The following GRIK1 variants were observed in gnomAD, a reference collection of about 807,000 sequenced individuals.
GRIK1 encodes the protein glutamate ionotropic receptor kainate type subunit 1.
GRIK1 carries 69 observed loss-of-function variants against 105.7 expected under a neutral mutation model. The observed-to-expected ratio is 0.65, with a 90% CI of 0.54 to 0.80. The LOEUF is 0.80. GRIK1 is among the 30% of genes least tolerant of loss of function. The pLI, the probability that GRIK1 is intolerant of heterozygous loss-of-function variation, is 0.00. For missense variants in GRIK1, 1,109 were observed against 1,167.3 expected, an observed-to-expected ratio of 0.95 and a Z score of 0.73; for synonymous variants, 438 against 431.3, an observed-to-expected ratio of 1.02 and a Z score of -0.19.
At chr21:29,620,867 A>G (rs1568897953) in intron 7 of GRIK1, among the ~76,000 whole-genome samples, 2 of 146,822 alleles carry the variant, frequency 1.4e-5, no homozygotes, top group East Asian at 1.9e-4. Flanking sequence ...GTAGTTATAT[A>G]TATTATTTCC....
chr21:29,600,256 G>C (rs1234114524), intron 7 of GRIK1, among the ~76,000 whole-genome samples: 1 of 152,138 alleles, frequency 6.6e-6, no homozygotes, highest in African/African-American at 2.4e-5. Flanking sequence ...AGGTTCCAGG[G>C]ATGAGGACAT....
chr21:29,840,381 A>AT lies in GRIK1; in HGVS notation c.118+99001dup, dbSNP rs1203627584. 2.0e-5 allele frequency among the ~76,000 whole-genome samples: 3 copies of AT among 152,202 alleles called. No homozygotes were observed. In the East Asian group the frequency reaches 5.8e-4, roughly 29 times the overall value. ...TGCCATTTCATATTTCTAGCAATGCATCAGAAGGGACAATTTAAGTTTCAT... is the reference window on the plus strand; with the variant it reads ...TGCCATTTCATATTTCTAGCAATGCATTCAGAAGGGACAATTTAAGTTTCAT... On this transcript the variant is annotated intron_variant, in intron 1 of 17. Transcript: ENST00000327783.
intron 1 of GRIK1, among the ~76,000 whole-genome samples, chr21:29,905,617 G>GTT (rs2070588752): frequency 9.6e-6 from 1 of 103,750 alleles, no homozygotes; most frequent in South Asian, 3.3e-4. Context: ...AGCAAATTTT[G>GTT]TATTTTTTTT....
intron 14 of GRIK1, among the ~76,000 whole-genome samples, chr21:29,571,861 C>T (rs8130128): frequency 6.6e-6 from 1 of 152,272 alleles, no homozygotes; most frequent in East Asian, 1.9e-4. Context: ...GATGAGAAAA[C>T]GTTTCTCATT....
intron 7 of GRIK1, among the ~76,000 whole-genome samples, chr21:29,608,955 T>C (rs969289227): frequency 3.9e-5 from 6 of 152,036 alleles, no homozygotes; most frequent in African/African-American, 1.4e-4. Flanking sequence ...CCACTAGTTA[T>C]AAGACAAGTA....
intron 1 of GRIK1, among the ~76,000 whole-genome samples, chr21:29,706,928 G>A (rs1347313228): frequency 6.6e-6 from 1 of 152,056 alleles, no homozygotes; most frequent in East Asian, 1.9e-4. Flanking sequence ...GCAGTGGTGA[G>A]ATCTCAGCTC....
intron 15 of GRIK1, among the ~76,000 whole-genome samples, chr21:29,557,992 A>G (rs1789074905): frequency 6.6e-6 from 1 of 152,200 alleles, no homozygotes; most frequent in Admixed American, 6.5e-5. Context: ...CAGACAGATG[A>G]AAATCTGATC....
intron 7 of GRIK1, among the ~76,000 whole-genome samples, chr21:29,639,188 T>C (rs760376669): frequency 3.2e-4 from 48 of 152,254 alleles, no homozygotes; most frequent in Non-Finnish European, 5.6e-4. Context: ...CACATGCTTA[T>C]AGATTGTGTG....
At chr21:29,813,417 C>G (rs2067065264) in intron 1 of GRIK1, among the ~76,000 whole-genome samples, 1 of 152,062 alleles carries the variant, frequency 6.6e-6, no homozygotes, top group South Asian at 2.1e-4. Flanking sequence ...CTTAGGAGCA[C>G]AAGAGAAAGC....
At chr21:29,923,089 A>G (rs1470025214) in intron 1 of GRIK1, among the ~76,000 whole-genome samples, 3 of 152,124 alleles carry the variant, frequency 2.0e-5, no homozygotes, top group African/African-American at 4.8e-5. Flanking sequence ...TCCACAGGGA[A>G]TTTTGCTGTA....
chr21:29,874,914 C>T (rs1162181919), intron 1 of GRIK1, among the ~76,000 whole-genome samples: 3 of 151,580 alleles, frequency 2.0e-5, no homozygotes, highest in African/African-American at 7.3e-5. Context: ...GTTTCAGAAA[C>T]GATTTCCAAA....
chr21:29,837,117 C>T (rs139460076), intron 1 of GRIK1, among the ~76,000 whole-genome samples: 1 of 152,156 alleles, frequency 6.6e-6, no homozygotes, highest in African/African-American at 2.4e-5. Context: ...GGGATGTAAT[C>T]GTTTTTTGGA....
At chr21:29,892,928 C>T (rs770983197) in intron 1 of GRIK1, among the ~76,000 whole-genome samples, 8 of 152,296 alleles carry the variant, frequency 5.3e-5, no homozygotes, top group African/African-American at 1.9e-4. Flanking sequence ...AATCCCAGCA[C>T]TTTGGGAGGC....
chr21:29,797,345 A>G (rs1375142202), intron 1 of GRIK1, among the ~76,000 whole-genome samples: 1 of 152,196 alleles, frequency 6.6e-6, no homozygotes, highest in Non-Finnish European at 1.5e-5. Context: ...CACGGTTCTG[A>G]GATGGAGGAG....
At chr21:29,809,411 C>T (rs867006131) in intron 1 of GRIK1, among the ~76,000 whole-genome samples, 4 of 152,138 alleles carry the variant, frequency 2.6e-5, no homozygotes, top group African/African-American at 9.7e-5. Flanking sequence ...TTTAAAAATG[C>T]TTTATTGCTT....
At chr21:29,851,021 T>G (rs1312633050) in intron 1 of GRIK1, among the ~76,000 whole-genome samples, 1 of 152,064 alleles carries the variant, frequency 6.6e-6, no homozygotes, top group African/African-American at 2.4e-5. Flanking sequence ...GCTTTACAGA[T>G]CAGTCTGTGA....
rs575189644 is a variant in GRIK1 at position 29,851,425 on chromosome 21, T to C, written c.118+87958A>G. Reference sequence around the variant, plus strand: ...CACAGATTGTTTACAAAGGCAATAATAGACAAAAGGGAGATATAAATCAAT... The same window carrying C: ...CACAGATTGTTTACAAAGGCAATAACAGACAAAAGGGAGATATAAATCAAT... On this transcript the variant is annotated intron_variant, in intron 1 of 17. Coordinates refer to ENST00000327783, the MANE Select transcript of GRIK1 (RefSeq NM_001330994.2). Among the ~76,000 whole-genome samples, 5 of 152,284 alleles carry C rather than the reference T, an allele frequency of 3.3e-5. No individual in the cohort carries two copies. The South Asian group carries it at 6.2e-4, about 19-fold the overall frequency.
intron 1 of GRIK1, among the ~76,000 whole-genome samples, chr21:29,804,027 A>T (rs560789603): frequency 1.4e-4 from 22 of 152,190 alleles, no homozygotes; most frequent in African/African-American, 5.3e-4. Flanking sequence ...AACCTGATAC[A>T]CTAAGGCAAA....
intron 16 of GRIK1, 114 bp from the exon 17 acceptor site, chr21:29,537,998 A>G (rs2089909714): frequency 3.2e-6 from 2 of 624,398 alleles, no homozygotes; most frequent in East Asian, 2.7e-5. Context: ...ATAATGTGGT[A>G]CTGAACTTCA....
Sources: allele counts gnomAD v4.1 joint callset (sites outside exome capture counted in the v4.1 genomes callset), GRCh38; gene constraint gnomAD v4.1.1; transcripts MANE v1.5; gene names NCBI Gene and HGNC (gene_info 2026-07-23, HGNC 2026-07-21).